Variants in TBC1D5 observed in about 807,000 individuals in gnomAD.
The protein encoded by TBC1D5 is TBC1 domain family member 5, also known as TBC1 domain family, member 5.
In TBC1D5, 75 loss-of-function variants were observed where a neutral mutation model predicts 100.3. The ratio of observed to expected loss-of-function variants is 0.75; its 90% confidence interval spans 0.62 to 0.91. TBC1D5 has a LOEUF of 0.91. Among genes scored for constraint, TBC1D5 ranks in the 40% least tolerant of loss-of-function variants. The pLI is 0.00. For synonymous variants in TBC1D5, 323 were observed against 325.6 expected, an observed-to-expected ratio of 0.99 and a Z score of 0.09; for missense variants, 910 against 942.4, an observed-to-expected ratio of 0.97 and a Z score of 0.45.
intron 2 of TBC1D5, among the ~76,000 whole-genome samples, chr3:17,605,436 G>C (rs1436061482): frequency 1.3e-5 from 2 of 152,144 alleles, no homozygotes; most frequent in Admixed American, 6.5e-5. Context: ...AAAATGTCTA[G>C]TTCAACCTGG....
At chr3:17,250,195 G>C (rs904427363) in intron 16 of TBC1D5, among the ~76,000 whole-genome samples, 1 of 152,182 alleles carries the variant, frequency 6.6e-6, no homozygotes, top group Admixed American at 6.5e-5. Flanking sequence ...GAGTCCATCA[G>C]CAAATGCTAG....
intron 14 of TBC1D5, among the ~76,000 whole-genome samples, chr3:17,298,158 T>A (rs898241774): frequency 6.6e-6 from 1 of 152,226 alleles, no homozygotes; most frequent in Non-Finnish European, 1.5e-5. Flanking sequence ...CTTTATTTCA[T>A]TGTGTTTTGT....
intron 3 of TBC1D5, among the ~76,000 whole-genome samples, chr3:17,473,628 C>G (rs1043696727): frequency 6.6e-6 from 1 of 152,200 alleles, no homozygotes; most frequent in African/African-American, 2.4e-5. Flanking sequence ...ATAATCTTCT[C>G]TCTTCCAAAA....
At position 17,443,546 on chromosome 3, in the gene TBC1D5, C is replaced by G. The variant is rs143260310; in HGVS notation, c.98-15027G>C. ...AACAAAGGCTGAGTGGAGTACTTCCCAAGGCAACTTGGAAATGTTTCTTAG... is the reference window on the plus strand; with the variant it reads ...AACAAAGGCTGAGTGGAGTACTTCCGAAGGCAACTTGGAAATGTTTCTTAG... On this transcript the variant is annotated intron_variant, in intron 3 of 21. Transcript: ENST00000253692. Among the ~76,000 whole-genome samples the G allele has an allele frequency of 7.5e-3, 1,149 of 152,220 alleles. 16 individuals carry two copies. The highest frequency in any genetic ancestry group is 0.027 in the African/African-American group (1,104 of 41,522).
At chr3:17,424,953 C>A (rs1420958985) in intron 4 of TBC1D5, among the ~76,000 whole-genome samples, 1 of 152,120 alleles carries the variant, frequency 6.6e-6, no homozygotes, top group Admixed American at 6.6e-5. Flanking sequence ...TCCAAGGTAA[C>A]CTGAAATATA....
intron 1 of TBC1D5, among the ~76,000 whole-genome samples, chr3:17,636,918 TAA>T (rs1466511489): frequency 1.3e-5 from 2 of 152,148 alleles, no homozygotes; most frequent in Admixed American, 1.3e-4. Flanking sequence ...TTGATAATGA[TAA>T]AAATTTGTAA....
chr3:17,559,082 T>TTAAATAAATAAATAAATAAA (rs10575585), intron 2 of TBC1D5, among the ~76,000 whole-genome samples: 8 of 149,746 alleles, frequency 5.3e-5, no homozygotes, highest in African/African-American at 2.0e-4. Flanking sequence ...TCTCTTTCTC[T>TTAAATAAATAAATAAATAAA]TAAATAAATA....
intron 18 of TBC1D5, among the ~76,000 whole-genome samples, chr3:17,210,985 T>G (rs1467795003): frequency 1.3e-5 from 2 of 152,174 alleles, no homozygotes. Context: ...TTAGAAAAAA[T>G]ATAACATTTA....
At chr3:17,459,297 C>G (rs149118381) in intron 3 of TBC1D5, among the ~76,000 whole-genome samples, 406 of 152,292 alleles carry the variant, frequency 2.7e-3, no homozygotes, top group African/African-American at 9.4e-3. Flanking sequence ...TGTTCCACCT[C>G]AGATCATCAG....
intron 14 of TBC1D5, among the ~76,000 whole-genome samples, chr3:17,298,481 G>T (rs953944570): frequency 6.6e-6 from 1 of 152,122 alleles, no homozygotes; most frequent in African/African-American, 2.4e-5. Flanking sequence ...AAGACTTTAG[G>T]GTCAGTGAGG....
At position 17,371,923 on chromosome 3, in the gene TBC1D5, G is replaced by C. The variant is rs140256342; in HGVS notation, c.995+152C>G. 113 of 611,394 alleles carry C rather than the reference G, an allele frequency of 1.8e-4. No individual in the cohort carries two copies. The African/African-American group carries it at 2.0e-3, about 11-fold the overall frequency. The allele number at this position is 611,394 out of a possible 1,614,324, so 37.9% of individuals were successfully genotyped here. On this transcript the variant is annotated intron_variant, in intron 13 of 21. Coordinates refer to ENST00000253692, the Ensembl canonical transcript of TBC1D5. ...TTGGTGGCACGCGTCTGTGGTACCA[G>C]CTACTTGGGAAGCTGAGATGGGAGG...
intron 18 of TBC1D5, among the ~76,000 whole-genome samples, chr3:17,211,197 T>C (rs2072936917): frequency 1.3e-5 from 2 of 152,190 alleles, no homozygotes; most frequent in Non-Finnish European, 2.9e-5. Flanking sequence ...ATGGAGCTCA[T>C]TAATGGTGGG....
intron 2 of TBC1D5, among the ~76,000 whole-genome samples, chr3:17,535,205 G>A (rs1238786046): frequency 6.6e-6 from 1 of 152,132 alleles, no homozygotes; most frequent in Non-Finnish European, 1.5e-5. Flanking sequence ...GGTTGTATCA[G>A]AAATTAAACA....
chr3:17,704,577 C>G (rs1235443002), intron 1 of TBC1D5, among the ~76,000 whole-genome samples: 1 of 76,040 alleles, frequency 1.3e-5, no homozygotes, highest in Non-Finnish European at 2.7e-5. Flanking sequence ...CCCTCCCGGA[C>G]GGGGCGGCTG....
intron 13 of TBC1D5, among the ~76,000 whole-genome samples, chr3:17,343,849 C>T (rs1396443625): frequency 3.3e-5 from 5 of 151,690 alleles, no homozygotes; most frequent in African/African-American, 9.7e-5. Flanking sequence ...CTATTTGATT[C>T]TTCTCTCTTT....
chr3:17,668,682 C>T (rs929625622), intron 1 of TBC1D5, among the ~76,000 whole-genome samples: 2 of 152,088 alleles, frequency 1.3e-5, no homozygotes, highest in Non-Finnish European at 2.9e-5. Flanking sequence ...TCTGCGTAAA[C>T]TGCCAAGATT....
intron 13 of TBC1D5, among the ~76,000 whole-genome samples, chr3:17,366,556 T>G (rs1229966787): frequency 1.3e-5 from 2 of 152,148 alleles, no homozygotes; most frequent in Admixed American, 6.5e-5. Context: ...GATCGTCACT[T>G]TCTAATCCTT....
intron 13 of TBC1D5, among the ~76,000 whole-genome samples, chr3:17,310,805 C>T (rs1390053613): frequency 1.3e-5 from 2 of 151,812 alleles, no homozygotes; most frequent in Non-Finnish European, 2.9e-5. Flanking sequence ...AGTAAAATGC[C>T]GTCTCTTCTA....
chr3:17,268,325 A>G (rs1057467886), intron 15 of TBC1D5, among the ~76,000 whole-genome samples: 1 of 152,176 alleles, frequency 6.6e-6, no homozygotes, highest in Non-Finnish European at 1.5e-5. Context: ...TGCTTACATA[A>G]TATCTATGCT....
Sources: gnomAD v4.1 joint callset for allele counts (sites outside exome capture counted in the v4.1 genomes callset) on GRCh38, gnomAD v4.1.1 for gene constraint, MANE v1.5 for transcripts, NCBI Gene and HGNC (gene_info 2026-07-23, HGNC 2026-07-21) for gene names.